The following PHF8 variants were observed in gnomAD, a reference collection of about 807,000 sequenced individuals.
The protein encoded by PHF8 is PHD finger protein 8.
PHF8 carries 9 observed loss-of-function variants against 74.4 expected under a neutral mutation model. The ratio of observed to expected loss-of-function variants is 0.12; its 90% CI spans 0.07 to 0.21. PHF8 has a LOEUF of 0.21. Ranked by LOEUF, PHF8 falls within the 10% of genes least tolerant of loss-of-function variation. The pLI is 1.00. For synonymous variants in PHF8, 311 were observed against 316.6 expected (o/e 0.98, Z 0.19); for missense variants, 478 against 816.6 (o/e 0.59, Z 5.05).
intron 7 of PHF8, among the ~76,000 whole-genome samples, chrX:54,013,995 G>A (rs1345424920): frequency 1.8e-5 from 2 of 109,167 alleles, no homozygotes; most frequent in Admixed American, 9.8e-5. Flanking sequence ...TCGTTCTGTC[G>A]CCCAGGCTGG....
chrX:53,972,721 C>G (rs1557094996), intron 18 of PHF8, among the ~76,000 whole-genome samples: 1 of 111,277 alleles, frequency 9.0e-6, no homozygotes, highest in Non-Finnish European at 1.9e-5. Context: ...GAAGCATTCC[C>G]CTTGAAAACT....
rs2066099985 is a variant in PHF8, at chrX:54,017,948, C to T, written c.294-127G>A. The T allele has an allele frequency of 1.2e-5, 7 of 560,021 alleles. No homozygotes were observed. The East Asian group carries it at 2.5e-4, about 20-fold the overall frequency. The allele number at this position is 560,021 out of a possible 1,213,427, so 46.2% of individuals were successfully genotyped here. ...CTTAATGTGAGCTGGCAACTAATGC[C>T]AAAAACCTCATCTGCCAGGGAAGAA... is the stretch of plus-strand genomic sequence containing the variant. On this transcript the variant is annotated intron_variant, in intron 4 of 21. Coordinates refer to ENST00000338154, the MANE Select transcript of PHF8 (RefSeq NM_015107.3).
chrX:54,022,130 A>G (rs1429347475), intron 4 of PHF8, 129 bp downstream of exon 4: 20 of 495,984 alleles, frequency 4.0e-5, no homozygotes, highest in Non-Finnish European at 6.4e-5. Context: ...AGGAATTTGC[A>G]GAGCCCTGAA....
At chrX:53,947,436 T>C (rs781909504) in intron 19 of PHF8, among the ~76,000 whole-genome samples, 1 of 113,110 alleles carries the variant, frequency 8.8e-6, no homozygotes, top group Non-Finnish European at 1.9e-5. Context: ...ATGCAGATTC[T>C]AGAACAAGCA....
At chrX:54,004,483 A>G (rs1308092965) in intron 8 of PHF8, among the ~76,000 whole-genome samples, 1 of 112,224 alleles carries the variant, frequency 8.9e-6, no homozygotes, top group Admixed American at 9.5e-5. Context: ...CAAATATAGA[A>G]TTATGTAACA....
intron 8 of PHF8, among the ~76,000 whole-genome samples, chrX:54,009,201 G>A (rs1354213243): frequency 9.0e-6 from 1 of 111,703 alleles, no homozygotes; most frequent in African/African-American, 3.2e-5. Flanking sequence ...ATAACATAAT[G>A]AACATTCTCT....
chrX:53,983,331 A>G (rs2065508119), intron 18 of PHF8, among the ~76,000 whole-genome samples: 1 of 112,063 alleles, frequency 8.9e-6, no homozygotes, highest in African/African-American at 3.2e-5. Flanking sequence ...TAGAATATAT[A>G]AGGAACTCTT....
intron 19 of PHF8, among the ~76,000 whole-genome samples, chrX:53,961,430 C>G (rs1385388369): frequency 3.6e-5 from 4 of 109,908 alleles, no homozygotes; most frequent in Non-Finnish European, 3.8e-5. Context: ...TGGGTTCAAG[C>G]AATTTTCCTA....
At chrX:53,953,312 T>G (rs1366172844) in intron 19 of PHF8, among the ~76,000 whole-genome samples, 1 of 74,142 alleles carries the variant, frequency 1.3e-5, no homozygotes. Flanking sequence ...AAAAAACCCC[T>G]CACATATAGA....
chrX:53,988,751 T>C (rs1343049006), intron 14 of PHF8, among the ~76,000 whole-genome samples: 1 of 94,605 alleles, frequency 1.1e-5, no homozygotes, highest in Non-Finnish European at 2.1e-5. Flanking sequence ...CAAGACTCCG[T>C]CTCAAAAAAA....
At chrX:54,009,669 C>A (rs1385655567) in intron 8 of PHF8, among the ~76,000 whole-genome samples, 1 of 105,213 alleles carries the variant, frequency 9.5e-6, no homozygotes, top group Admixed American at 1.0e-4. Flanking sequence ...ACGGTGAAAC[C>A]CCAACTCTAC....
In PHF8 at chrX:54,000,026, C is replaced by T. The variant is rs782391202; in HGVS notation, c.1142-65G>A. 7.1e-6 allele frequency: 5 copies of T among 707,791 alleles called. No individual in the cohort carries two copies. In the South Asian group the frequency reaches 8.8e-5, roughly 12 times the overall value. 58.3% of individuals were successfully genotyped at this position (707,791 alleles called of 1,213,427 possible). On this transcript the variant is annotated intron_variant, in intron 10 of 21. Coordinates refer to ENST00000338154, the MANE Select transcript of PHF8 (RefSeq NM_015107.3). ...ATGCAGGAAAGTGAAGGACTTGGGA[C>T]TTTTGTTAAGACAACCAGAGAAAAT...
intron 4 of PHF8, among the ~76,000 whole-genome samples, chrX:54,022,049 T>C (rs1483179743): frequency 8.9e-6 from 1 of 111,848 alleles, no homozygotes; most frequent in Non-Finnish European, 1.9e-5. Flanking sequence ...CTTGGATGAA[T>C]GTAAGTATCT....
intron 18 of PHF8, among the ~76,000 whole-genome samples, chrX:53,967,949 A>T (rs1238536373): frequency 9.7e-6 from 1 of 103,586 alleles, no homozygotes; most frequent in East Asian, 2.9e-4. Flanking sequence ...CCACTCCCTA[A>T]TCTCAAGTAC....
intron 2 of PHF8, among the ~76,000 whole-genome samples, chrX:54,026,717 C>T (rs1402181940): frequency 9.0e-6 from 1 of 111,035 alleles, no homozygotes; most frequent in Non-Finnish European, 1.9e-5. Flanking sequence ...CTGCCCCAGC[C>T]TCCCAAGTAG....
At chrX:53,962,641 A>G (rs2065122419) in intron 19 of PHF8, among the ~76,000 whole-genome samples, 1 of 111,625 alleles carries the variant, frequency 9.0e-6, no homozygotes, top group African/African-American at 3.3e-5. Context: ...TATTGGACTA[A>G]TTACATAAAC....
intron 18 of PHF8, among the ~76,000 whole-genome samples, chrX:53,979,930 G>A (rs781950183): frequency 2.7e-5 from 3 of 110,982 alleles, no homozygotes; most frequent in Non-Finnish European, 5.7e-5. Context: ...TGGAGGCTAC[G>A]GTGAGCCAAA....
At chrX:53,976,782 G>A (rs1287034715) in intron 18 of PHF8, among the ~76,000 whole-genome samples, 5 of 109,425 alleles carry the variant, frequency 4.6e-5, no homozygotes, top group Non-Finnish European at 9.5e-5. Context: ...GAAGGGAAAA[G>A]GGGGATATCA....
intron 7 of PHF8, among the ~76,000 whole-genome samples, chrX:54,013,602 C>A (rs2066015452): frequency 9.0e-6 from 1 of 110,735 alleles, no homozygotes; most frequent in African/African-American, 3.3e-5. Context: ...CAGATCACTT[C>A]AGGTCAGGCG....
Sources: allele counts gnomAD v4.1 joint callset (sites outside exome capture counted in the v4.1 genomes callset), GRCh38; gene constraint gnomAD v4.1.1; transcripts MANE v1.5; gene names NCBI Gene and HGNC (gene_info 2026-07-23, HGNC 2026-07-21).